The following MAST3 variants were observed in gnomAD, a reference collection of about 807,000 sequenced individuals.
MAST3 encodes microtubule associated serine/threonine kinase 3, also known as microtubule-associated serine/threonine-protein kinase 3.
In MAST3, 43 loss-of-function variants were observed where a neutral mutation model predicts 127.0. The observed-to-expected ratio is 0.34, with a 90% CI of 0.27 to 0.44. MAST3 has a LOEUF of 0.44. Among genes scored for constraint, MAST3 ranks in the 20% least tolerant of loss-of-function variants. MAST3 has a pLI of 1.00. For synonymous variants in MAST3, 785 were observed against 809.2 expected (o/e 0.97, Z 0.51); for missense variants, 1,390 against 1,919.1 (o/e 0.72, Z 5.15).
At chr19:18,138,885 G>A (rs2042154613) in intron 19 of MAST3, 130 bp from the exon 20 acceptor site, 2 of 658,164 alleles carry the variant, frequency 3.0e-6, no homozygotes, top group Non-Finnish European at 5.5e-6. Flanking sequence ...AACACACCAG[G>A]CACTGTCCCA....
At chr19:18,131,870 G>T in intron 14 of MAST3, 39 bp from the exon 15 acceptor site, 1 of 1,527,574 alleles carries the variant, frequency 6.5e-7, no homozygotes, top group East Asian at 2.4e-5. Context: ...GGGGGCGGGG[G>T]TGCCCCGGGC....
intron 1 of MAST3, among the ~76,000 whole-genome samples, chr19:18,105,680 A>G (rs1203139715): frequency 6.6e-6 from 1 of 152,118 alleles, no homozygotes; most frequent in African/African-American, 2.4e-5. Context: ...TCTCAAAAAA[A>G]CAAAAACAAC....
At position 18,145,916 on chromosome 19, in the gene MAST3, G is replaced by A. The variant is rs374082669; in HGVS notation, c.3162+51G>A. On this transcript the variant is annotated intron_variant, in intron 25 of 27. Coordinates refer to ENST00000687212, the MANE Select transcript of MAST3 (RefSeq NM_001393504.1). The surrounding 1 kb of genome is among the most constrained non-coding windows in gnomAD (Gnocchi z 5.9). The stretch of plus-strand genomic sequence containing the variant: ...CAGGGCTCCCCAGCACCCCTTGGCC[G>A]CAGCTCCCGGTTCCCCGTGGTTCTC... 1.2e-4 allele frequency: 186 copies of A among 1,521,712 alleles called. No individual in the cohort carries two copies. The highest frequency in any genetic ancestry group is 2.3e-4 in the African/African-American group (16 of 69,588). 94.3% of individuals were successfully genotyped at this position (1,521,712 alleles called of 1,614,324 possible).
intron 1 of MAST3, among the ~76,000 whole-genome samples, chr19:18,104,779 G>A (rs957079718): frequency 1.3e-5 from 2 of 152,172 alleles, no homozygotes; most frequent in Non-Finnish European, 2.9e-5. Flanking sequence ...CCCGCGGTTC[G>A]TAGGAGGTGG....
At position 18,144,405 on chromosome 19, in the gene MAST3, G is replaced by T. The variant is rs1027634943; in HGVS notation, c.2585-61G>T. 3.5e-6 allele frequency: 5 copies of T among 1,410,210 alleles called. No individual in the cohort carries two copies. The highest frequency in any genetic ancestry group is 4.9e-6 in the Non-Finnish European group (5 of 1,029,520). The allele number at this position is 1,410,210 out of a possible 1,614,324, so 87.4% of individuals were successfully genotyped here. On this transcript the variant is annotated intron_variant, in intron 22 of 27. Transcript: ENST00000687212. The surrounding 1 kb of genome is among the most constrained non-coding windows in gnomAD (Gnocchi z 4.0). Reference sequence around the variant, plus strand: ...GTGACCAGGGAGGAAGGGCCTTAAGGTCCCTTTAGGACCACATGGTGAGTT... The same window carrying T: ...GTGACCAGGGAGGAAGGGCCTTAAGTTCCCTTTAGGACCACATGGTGAGTT...
chr19:18,120,069 C>T (rs1263675105), intron 3 of MAST3, among the ~76,000 whole-genome samples: 2 of 152,066 alleles, frequency 1.3e-5, no homozygotes, highest in East Asian at 3.9e-4. Context: ...GAGGCCAGGG[C>T]CCAGGTGGGA....
At chr19:18,129,066 G>C in intron 13 of MAST3, 115 bp downstream of exon 13, 1 of 893,204 alleles carries the variant, frequency 1.1e-6, no homozygotes, top group Middle Eastern at 2.2e-4. Flanking sequence ...ATTCATCCTT[G>C]AATGGGCAGA....
rs1299125931 is a variant in MAST3, at chr19:18,113,461, G to GT, written c.161+2728dup. Among the ~76,000 whole-genome samples the GT allele has an allele frequency of 5.3e-5, 8 of 151,406 alleles. No individual in the cohort carries two copies. In the South Asian group the frequency reaches 8.4e-4, roughly 16 times the overall value. On this transcript the variant is annotated intron_variant, in intron 3 of 27. Coordinates refer to ENST00000687212, the MANE Select transcript of MAST3 (RefSeq NM_001393504.1). The stretch of plus-strand genomic sequence containing the variant: ...ACTACACTCAGCTAACATTTGGGTG[G>GT]TTTTTTTTGTTTGTTTGAGACGGAG...
chr19:18,110,466 G>A lies in MAST3; in HGVS notation c.72-186G>A. 1 of 966,918 alleles carries A rather than the reference G, an allele frequency of 1.0e-6. No individual in the cohort carries two copies. Among genetic ancestry groups the A allele is most frequent in the Non-Finnish European group, 1.2e-6 (1 of 812,738 alleles). The allele number at this position is 966,918 out of a possible 1,614,324, so 59.9% of individuals were successfully genotyped here. A position where few individuals can be genotyped will look rare whatever the true frequency, so the allele number is the denominator to read the frequency against. On this transcript the variant is annotated intron_variant, in intron 2 of 27. Coordinates refer to ENST00000687212, the MANE Select transcript of MAST3 (RefSeq NM_001393504.1). The surrounding 1 kb of genome is among the most constrained non-coding windows in gnomAD (Gnocchi z 4.3). Reference sequence around the variant, plus strand: ...TGTTCGTGTCGCCCAGAAACGCACCGCCGCCTCCGGGGAGCCCTCCCGGGC... The same window carrying A: ...TGTTCGTGTCGCCCAGAAACGCACCACCGCCTCCGGGGAGCCCTCCCGGGC...
intron 2 of MAST3, 43 bp downstream of exon 2, chr19:18,107,661 T>C: frequency 6.3e-7 from 1 of 1,585,232 alleles, no homozygotes; most frequent in Non-Finnish European, 8.6e-7. Context: ...GCCCCAGTGG[T>C]CTTGGAAGTG....
intron 21 of MAST3, among the ~76,000 whole-genome samples, chr19:18,142,541 G>A (rs554706165): frequency 4.6e-5 from 7 of 151,710 alleles, no homozygotes; most frequent in African/African-American, 1.7e-4. Context: ...TAGTAGAGAC[G>A]GGGTTTTGCC....
chr19:18,142,347 CTTTTTT>C (rs776007010), intron 21 of MAST3, among the ~76,000 whole-genome samples: 1 of 122,200 alleles, frequency 8.2e-6, no homozygotes, highest in Non-Finnish European at 1.7e-5. Flanking sequence ...GGAAGCTGGC[CTTTTTT>C]TTTTTTTTTT....
intron 13 of MAST3, chr19:18,129,152 C>T (rs373701311): frequency 1.1e-4 from 64 of 585,958 alleles, no homozygotes; most frequent in East Asian, 9.2e-4. Context: ...GCTCTGTCCA[C>T]GAGCCAGGCC....
At chr19:18,131,252 G>A (rs1191167371) in intron 14 of MAST3, among the ~76,000 whole-genome samples, 2 of 151,932 alleles carry the variant, frequency 1.3e-5, no homozygotes, top group African/African-American at 4.8e-5. Flanking sequence ...CCCCATTCAC[G>A]CCTATAGTCC....
chr19:18,097,921 G>A, intron 1 of MAST3, 90 bp downstream of exon 1: 1 of 1,052,426 alleles, frequency 9.5e-7, no homozygotes, highest in South Asian at 4.7e-5. Context: ...GGCCTTCACG[G>A]GCTGTAGGGA....
intron 14 of MAST3, 50 bp from the exon 15 acceptor site, chr19:18,131,858 CG>C (rs1292310685): frequency 5.4e-6 from 8 of 1,493,950 alleles, no homozygotes; most frequent in Non-Finnish European, 6.3e-6. Context: ...AAGGGGCGGG[CG>C]GGGGGCGGGG....
intron 2 of MAST3, among the ~76,000 whole-genome samples, chr19:18,109,028 T>C (rs957957362): frequency 6.6e-6 from 1 of 152,106 alleles, no homozygotes; most frequent in Non-Finnish European, 1.5e-5. Flanking sequence ...ATCTGGGGCC[T>C]CTTGGAGGAA....
At chr19:18,148,877 T>A (rs956131223) in intron 27 of MAST3, among the ~76,000 whole-genome samples, 2 of 147,580 alleles carry the variant, frequency 1.4e-5, no homozygotes, top group Admixed American at 6.9e-5. Flanking sequence ...CACTCCAGCC[T>A]GGGTGACAGA....
At chr19:18,123,773 C>T (rs2147215240) in intron 8 of MAST3, 118 bp downstream of exon 8, 2 of 1,116,246 alleles carry the variant, frequency 1.8e-6, no homozygotes, top group East Asian at 2.6e-5. Context: ...TTCTGTCTTT[C>T]CTTCCCCTTC....
Sources: allele counts gnomAD v4.1 joint callset (sites outside exome capture counted in the v4.1 genomes callset), GRCh38; gene constraint gnomAD v4.1.1; non-coding constraint Gnocchi (gnomAD v3.1); transcripts MANE v1.5; gene names NCBI Gene and HGNC (gene_info 2026-07-23, HGNC 2026-07-21).